The following CELF2 variants were observed in gnomAD, a reference collection of about 807,000 sequenced individuals.
CELF2 encodes the protein CUGBP Elav-like family member 2.
A neutral mutation model predicts 62.6 loss-of-function variants in CELF2; 8 were observed. The observed-to-expected ratio is 0.13, with a 90% confidence interval of 0.07 to 0.23. The LOEUF (loss-of-function observed/expected upper bound fraction) is 0.23. CELF2 is among the 10% of genes least tolerant of loss of function. The pLI, the probability that CELF2 is intolerant of heterozygous loss-of-function variation, is 1.00. For synonymous variants in CELF2, 258 were observed against 250.0 expected (o/e 1.03, Z -0.30); for missense variants, 333 against 671.0 (o/e 0.50, Z 5.56).
At chr10:11,082,807 T>C (rs572149346) in intron 1 of CELF2, among the ~76,000 whole-genome samples, 3 of 152,296 alleles carry the variant, frequency 2.0e-5, no homozygotes, top group South Asian at 4.1e-4. Context: ...AAACAATCTA[T>C]TGACTTCAAG....
chr10:10,752,930 T>G, the CELF2 span, among the ~76,000 whole-genome samples: 2 of 152,014 alleles, frequency 1.3e-5, no homozygotes, highest in Non-Finnish European at 2.9e-5. Context: ...CAAACCAATA[T>G]TGCACACGTT....
chr10:11,335,621 TCTC>T lies in CELF2; in HGVS notation c.*6572_*6574del, dbSNP rs2096105304. Reference sequence around the variant, plus strand: ...TTCCTACCATCACTTCTGCTTTCAGTCTCCTCATAGCCTTCGGCAGTCTCCTCT... The same window carrying T: ...TTCCTACCATCACTTCTGCTTTCAGTCTCATAGCCTTCGGCAGTCTCCTCT... On this transcript the variant is annotated 3_prime_UTR_variant, in exon 13 of 13. Transcript: ENST00000633077. This position sits in a 1 kb window ranked among gnomAD's most constrained non-coding sequence, Gnocchi z 5.0. 6.6e-6 allele frequency: 1 copy of T among 152,118 alleles called. No individual in the cohort carries two copies. The highest frequency in any genetic ancestry group is 1.5e-5 in the Non-Finnish European group (1 of 68,042). The allele number at this position is 152,118 out of a possible 1,614,324, so 9.4% of individuals were successfully genotyped here. A position where few individuals can be genotyped will look rare whatever the true frequency, so the allele number is the denominator to read the frequency against.
chr10:10,585,655 A>C, the CELF2 span, among the ~76,000 whole-genome samples: 1 of 152,240 alleles, frequency 6.6e-6, no homozygotes, highest in Non-Finnish European at 1.5e-5. Context: ...TCCCTTTGTC[A>C]TATAAGAATA....
At chr10:10,922,697 G>A (rs2065036555) in intron 2 of CELF2, 1 of 152,140 alleles carries the variant, frequency 6.6e-6, no homozygotes, top group Non-Finnish European at 1.5e-5. Context: ...TTTTCTTCAG[G>A]AATTTTTGTT....
chr10:10,527,163 T>C, the CELF2 span, among the ~76,000 whole-genome samples: 3 of 152,208 alleles, frequency 2.0e-5, no homozygotes, highest in African/African-American at 7.2e-5. Context: ...CCATGCTGGC[T>C]CTGTGCAGTG....
At chr10:11,034,265 C>G (rs2060600402) in intron 1 of CELF2, among the ~76,000 whole-genome samples, 1 of 152,110 alleles carries the variant, frequency 6.6e-6, no homozygotes, top group South Asian at 2.1e-4. Flanking sequence ...TGTTGAGATA[C>G]AAGAAATTAA....
At chr10:10,735,968 G>A in the CELF2 span, among the ~76,000 whole-genome samples, 1 of 152,142 alleles carries the variant, frequency 6.6e-6, no homozygotes, top group African/African-American at 2.4e-5. Context: ...CATGCTCAAT[G>A]AATCACCCTG....
chr10:10,545,080 A>G, the CELF2 span, among the ~76,000 whole-genome samples: 54 of 152,332 alleles, frequency 3.5e-4, no homozygotes, highest in African/African-American at 1.3e-3. Flanking sequence ...GGACTGAGCA[A>G]TCAGCCCACG....
At chr10:10,612,735 C>A in the CELF2 span, among the ~76,000 whole-genome samples, 1 of 152,274 alleles carries the variant, frequency 6.6e-6, no homozygotes, top group South Asian at 2.1e-4. Flanking sequence ...TCCTGTGCTC[C>A]CATTTGGAGC....
At chr10:11,052,734 T>C (rs1054852285) in intron 1 of CELF2, among the ~76,000 whole-genome samples, 10 of 152,234 alleles carry the variant, frequency 6.6e-5, no homozygotes, top group African/African-American at 2.4e-4. Flanking sequence ...ATTATCTTGT[T>C]TGATCCAAGC....
chr10:11,283,781 A>G (rs143327332), intron 8 of CELF2, among the ~76,000 whole-genome samples: 2 of 145,046 alleles, frequency 1.4e-5, no homozygotes, highest in Non-Finnish European at 3.0e-5. Context: ...GCCAGATCAT[A>G]GATGGATGTG....
chr10:10,811,790 G>T (rs2055922984), intron 1 of CELF2, among the ~76,000 whole-genome samples: 1 of 152,142 alleles, frequency 6.6e-6, no homozygotes, highest in African/African-American at 2.4e-5. Flanking sequence ...GTCTTCAAAT[G>T]TGTCATGGGG....
Position 11,269,291 on chromosome 10 carries a change from A to AG in CELF2, c.619-1374dup, listed in dbSNP as rs1177255023. On this transcript the variant is annotated intron_variant, in intron 6 of 12. Coordinates refer to ENST00000633077, the MANE Select transcript of CELF2 (RefSeq NM_001326342.2). This position sits in a 1 kb window ranked among gnomAD's most constrained non-coding sequence, Gnocchi z 4.4. ...CCATGACTCTGTCTACCAGAGCTGAAGACCAGTAGGCTGGAAGTTTAACAC... is the reference window on the plus strand; with the variant it reads ...CCATGACTCTGTCTACCAGAGCTGAAGGACCAGTAGGCTGGAAGTTTAACAC... 2.6e-5 allele frequency among the ~76,000 whole-genome samples: 4 copies of AG among 152,222 alleles called. No individual in the cohort carries two copies. The highest frequency in any genetic ancestry group is 2.0e-4 in the Admixed American group (3 of 15,282).
the CELF2 span, among the ~76,000 whole-genome samples, chr10:10,529,617 G>T: frequency 6.9e-6 from 1 of 144,794 alleles, no homozygotes; most frequent in African/African-American, 2.6e-5. Flanking sequence ...TCGGAAGGCG[G>T]AGGTTGCAGT....
the CELF2 span, among the ~76,000 whole-genome samples, chr10:10,741,898 G>T: frequency 6.6e-6 from 1 of 152,160 alleles, no homozygotes; most frequent in East Asian, 1.9e-4. Context: ...AATTGTTACT[G>T]TGTTGTTTGT....
intron 2 of CELF2, among the ~76,000 whole-genome samples, chr10:11,184,810 G>A (rs975836061): frequency 2.0e-5 from 3 of 152,080 alleles, no homozygotes; most frequent in South Asian, 2.1e-4. Flanking sequence ...GATTTTCTAC[G>A]TAAATGGTCG....
At chr10:10,656,507 G>A in the CELF2 span, among the ~76,000 whole-genome samples, 7 of 129,330 alleles carry the variant, frequency 5.4e-5, no homozygotes, top group African/African-American at 2.0e-4. Flanking sequence ...TTAAGAAAAT[G>A]TGGCACATAT....
chr10:10,462,615 C>CTTTTTTTTTTTTT, the CELF2 span, among the ~76,000 whole-genome samples: 5 of 69,412 alleles, frequency 7.2e-5, no homozygotes, highest in South Asian at 7.0e-4. Flanking sequence ...TTTTTTTCAT[C>CTTTTTTTTTTTTT]TTTTTTTTTT....
intron 1 of CELF2, among the ~76,000 whole-genome samples, chr10:10,919,134 G>A (rs1258607259): frequency 6.6e-6 from 1 of 152,096 alleles, no homozygotes; most frequent in Non-Finnish European, 1.5e-5. Flanking sequence ...GCTGCACGTG[G>A]TGGCACACAA....
Sources: allele counts gnomAD v4.1 joint callset (sites outside exome capture counted in the v4.1 genomes callset), GRCh38; gene constraint gnomAD v4.1.1; non-coding constraint Gnocchi (gnomAD v3.1); transcripts MANE v1.5; gene names NCBI Gene and HGNC (gene_info 2026-07-23, HGNC 2026-07-21).